CDC5L: variants seen among roughly 807,000 people sequenced by gnomAD.
CDC5L encodes cell division cycle 5 like.
In CDC5L, 18 loss-of-function variants were observed where a neutral mutation model predicts 104.1. That is an observed-to-expected ratio of 0.17 (90% CI 0.12 to 0.26). The LOEUF (loss-of-function observed/expected upper bound fraction) is 0.26, where lower values mean the gene tolerates loss of function less well. CDC5L is among the 10% of genes least tolerant of loss of function. The pLI, the probability that CDC5L is intolerant of heterozygous loss-of-function variation, is 1.00. For synonymous variants in CDC5L, 331 were observed against 322.7 expected, an observed-to-expected ratio of 1.03 and a Z score of -0.28; for missense variants, 673 against 956.9, an observed-to-expected ratio of 0.70 and a Z score of 3.91.
At chr6:44,388,988 T>A (rs1485014941) in intron 1 of CDC5L, among the ~76,000 whole-genome samples, 1 of 152,178 alleles carries the variant, frequency 6.6e-6, no homozygotes. Flanking sequence ...AATATTTAGA[T>A]CAGAGTAGGG....
chr6:44,423,619 A>G (rs1792288227), intron 10 of CDC5L, among the ~76,000 whole-genome samples: 1 of 152,150 alleles, frequency 6.6e-6, no homozygotes, highest in African/African-American at 2.4e-5. Flanking sequence ...AGACTACAAT[A>G]TGAGTAAGCA....
At chr6:44,402,564 A>G (rs1791180325) in intron 5 of CDC5L, among the ~76,000 whole-genome samples, 1 of 152,172 alleles carries the variant, frequency 6.6e-6, no homozygotes, top group African/African-American at 2.4e-5. Flanking sequence ...CTTGTTTTCC[A>G]TCTTTCATAT....
chr6:44,444,957 C>G (rs1045577651), intron 14 of CDC5L, among the ~76,000 whole-genome samples: 2 of 152,308 alleles, frequency 1.3e-5, no homozygotes, highest in East Asian at 3.9e-4. Flanking sequence ...TACTTTTGCA[C>G]TGTCCCATTA....
chr6:44,397,683 G>C (rs966698559), intron 5 of CDC5L, among the ~76,000 whole-genome samples: 2 of 152,176 alleles, frequency 1.3e-5, no homozygotes, highest in Non-Finnish European at 2.9e-5. Context: ...GATTGGTATT[G>C]GGAAGGCACT....
At chr6:44,387,943 G>GA (rs1296934139) in intron 1 of CDC5L, 75 bp downstream of exon 1, 16 of 1,452,198 alleles carry the variant, frequency 1.1e-5, no homozygotes, top group African/African-American at 1.4e-5. Flanking sequence ...CGGAGGTCGG[G>GA]GGGGCGACGA....
intron 7 of CDC5L, 103 bp downstream of exon 7, chr6:44,406,570 T>C: frequency 9.7e-7 from 1 of 1,030,504 alleles, no homozygotes; most frequent in Non-Finnish European, 1.5e-6. Flanking sequence ...TGCTGGATGC[T>C]CTTAAGAAAT....
chr6:44,444,288 TG>T (rs1374972629), intron 14 of CDC5L, among the ~76,000 whole-genome samples: 1 of 152,234 alleles, frequency 6.6e-6, no homozygotes, highest in East Asian at 1.9e-4. Context: ...GAAGTGGGCT[TG>T]TAGTATGTCC....
At chr6:44,429,619 C>T (rs1310981362) in intron 13 of CDC5L, 94 bp from the exon 14 acceptor site, 16 of 1,054,886 alleles carry the variant, frequency 1.5e-5, no homozygotes, top group South Asian at 3.3e-5. Context: ...GGATTTGACT[C>T]AAGGCATGAG....
chr6:44,444,376 A>G (rs1264166346), intron 14 of CDC5L, among the ~76,000 whole-genome samples: 2 of 152,206 alleles, frequency 1.3e-5, no homozygotes, highest in Non-Finnish European at 2.9e-5. Flanking sequence ...TGTGAAGGGT[A>G]CAGTCCCTTG....
chr6:44,411,748 G>C (rs1390650848), intron 8 of CDC5L, among the ~76,000 whole-genome samples: 1 of 151,822 alleles, frequency 6.6e-6, no homozygotes, highest in Admixed American at 6.6e-5. Flanking sequence ...TGGCACACTA[G>C]TTATTAGCCA....
rs200439042 is a variant in CDC5L at position 44,424,297 on chromosome 6, T to A, written c.1405-122T>A. ...ACCATCCAATTATTCTTAGTTATTT[T>A]AAAATGTACAGTTATTTTGACTAGA... On this transcript the variant is annotated intron_variant, in intron 10 of 15. Coordinates refer to ENST00000371477, the MANE Select transcript of CDC5L (RefSeq NM_001253.4). 2.4e-5 allele frequency: 20 copies of A among 830,368 alleles called. No homozygotes were observed. In the East Asian group the frequency reaches 4.9e-4, roughly 20 times the overall value. The allele number at this position is 830,368 out of a possible 1,614,324, so 51.4% of individuals were successfully genotyped here.
rs1792067139 is a variant in CDC5L at position 44,419,604 on chromosome 6, T to G, written c.1241+7T>G. On this transcript the variant is annotated splice_region_variant and intron_variant, in intron 9 of 15. Transcript: ENST00000371477. ...TTCTCTCTACTCCATTCAGGTATTG[T>G]AAATGAACACGTTTTTATTTTAGAA... is the stretch of plus-strand genomic sequence containing the variant. 6.2e-7 allele frequency: 1 copy of G among 1,607,272 alleles called. No homozygotes were observed. Among genetic ancestry groups the G allele is most frequent in the Non-Finnish European group, 8.5e-7 (1 of 1,174,620 alleles).
chr6:44,414,586 C>T (rs1023138737), intron 8 of CDC5L, among the ~76,000 whole-genome samples: 3 of 151,614 alleles, frequency 2.0e-5, no homozygotes, highest in African/African-American at 4.9e-5. Context: ...TTCTCCCACC[C>T]GAGTCTCCCA....
chr6:44,435,087 C>T (rs1326536744), intron 14 of CDC5L, among the ~76,000 whole-genome samples: 2 of 143,378 alleles, frequency 1.4e-5, no homozygotes, highest in African/African-American at 5.1e-5. Context: ...CCCGCCCCCC[C>T]TGCCCCCACA....
intron 13 of CDC5L, among the ~76,000 whole-genome samples, chr6:44,428,326 G>C (rs1472840215): frequency 1.3e-5 from 2 of 151,354 alleles, no homozygotes; most frequent in Non-Finnish European, 2.9e-5. Flanking sequence ...AAAATTTTTT[G>C]TTTATCAATC....
intron 8 of CDC5L, 117 bp downstream of exon 8, chr6:44,408,749 AG>A (rs2153378076): frequency 1.7e-6 from 1 of 599,946 alleles, no homozygotes; most frequent in East Asian, 2.9e-5. Context: ...TTTGAAACTG[AG>A]TCCTGAATGC....
At chr6:44,388,471 A>G (rs562155329) in intron 1 of CDC5L, among the ~76,000 whole-genome samples, 3 of 152,270 alleles carry the variant, frequency 2.0e-5, no homozygotes, top group African/African-American at 7.2e-5. Flanking sequence ...GAAGCCAGAA[A>G]GGAAAAACTG....
At chr6:44,439,057 G>C (rs1793064395) in intron 14 of CDC5L, among the ~76,000 whole-genome samples, 1 of 152,050 alleles carries the variant, frequency 6.6e-6, no homozygotes, top group Admixed American at 6.5e-5. Context: ...TCTACTTTTT[G>C]TATCAATAGA....
chr6:44,416,940 G>A (rs942346815), intron 8 of CDC5L, among the ~76,000 whole-genome samples: 2 of 151,946 alleles, frequency 1.3e-5, no homozygotes, highest in African/African-American at 4.8e-5. Context: ...ACACACACAG[G>A]GCCTTTGATA....
Sources: allele counts gnomAD v4.1 joint callset (sites outside exome capture counted in the v4.1 genomes callset), GRCh38; gene constraint gnomAD v4.1.1; transcripts MANE v1.5; gene names NCBI Gene and HGNC (gene_info 2026-07-23, HGNC 2026-07-21).